Variants in TSPEAR observed in about 807,000 individuals in gnomAD.
The protein encoded by TSPEAR is thrombospondin type laminin G domain and EAR repeats.
A neutral mutation model predicts 71.6 loss-of-function variants in TSPEAR; 69 were observed. That is an observed-to-expected ratio of 0.96 (90% CI 0.79 to 1.18). The LOEUF (loss-of-function observed/expected upper bound fraction) is 1.18, where lower values mean the gene tolerates loss of function less well. TSPEAR is among the 50% of genes most tolerant of loss of function. The pLI is 0.00. For synonymous variants in TSPEAR, 402 were observed against 387.2 expected (o/e 1.04, Z -0.45); for missense variants, 971 against 894.9 (o/e 1.09, Z -1.09).
In TSPEAR at chr21:44,612,123, G is replaced by A; in HGVS notation, c.83-44118C>T. 6.2e-7 allele frequency: 1 copy of A among 1,614,048 alleles called. No homozygotes were observed. The highest frequency in any genetic ancestry group is 8.5e-7 in the Non-Finnish European group (1 of 1,179,974). On this transcript the variant is annotated intron_variant, in intron 1 of 11. Coordinates refer to ENST00000323084, the MANE Select transcript of TSPEAR (RefSeq NM_144991.3). This position sits in a 1 kb window ranked among gnomAD's most constrained non-coding sequence, Gnocchi z 4.1. Reference sequence around the variant, plus strand: ...ACCATGGCTGACGCCTGCTGCACCAGGACGTATGTGATTGCTGCATCCACC... The same window carrying A: ...ACCATGGCTGACGCCTGCTGCACCAAGACGTATGTGATTGCTGCATCCACC...
chr21:44,536,123 G>A (rs909507437), intron 2 of TSPEAR, among the ~76,000 whole-genome samples: 7 of 152,162 alleles, frequency 4.6e-5, no homozygotes, highest in South Asian at 2.1e-4. Flanking sequence ...TCCTGCAGCC[G>A]CTTGTGTTCC....
rs1288428689 is a variant in TSPEAR at position 44,687,093 on chromosome 21, C to T, written c.82+24340G>A. Among the ~76,000 whole-genome samples the T allele has an allele frequency of 6.6e-6, 1 of 152,128 alleles. No homozygotes were observed. Among genetic ancestry groups the T allele is most frequent in the South Asian group, 2.1e-4 (1 of 4,826 alleles). ...GGAGCCTGGAAACCAAGCCACAGGA[C>T]GAAGGGCTGCGGGAAGAAGGAGGCT... On this transcript the variant is annotated intron_variant, in intron 1 of 11. Coordinates refer to ENST00000323084, the MANE Select transcript of TSPEAR (RefSeq NM_144991.3). This position sits in a 1 kb window ranked among gnomAD's most constrained non-coding sequence, Gnocchi z 4.4.
At chr21:44,685,970 AATC>A (rs1194463466) in intron 1 of TSPEAR, among the ~76,000 whole-genome samples, 6 of 152,232 alleles carry the variant, frequency 3.9e-5, no homozygotes, top group Non-Finnish European at 7.3e-5. Context: ...TTACCTCAAT[AATC>A]ATCATTATTA....
At chr21:44,539,914 G>A (rs782474175) in intron 2 of TSPEAR, 3 of 1,614,044 alleles carry the variant, frequency 1.9e-6, no homozygotes, top group Admixed American at 3.3e-5. Flanking sequence ...ACTGCTGGCA[G>A]CACGAGGGCG....
intron 1 of TSPEAR, among the ~76,000 whole-genome samples, chr21:44,655,637 A>G (rs1985101135): frequency 6.6e-6 from 1 of 152,214 alleles, no homozygotes; most frequent in Admixed American, 6.5e-5. Flanking sequence ...CTTGGGGGAA[A>G]GTGAGGAGCT....
intron 1 of TSPEAR, among the ~76,000 whole-genome samples, chr21:44,609,133 G>A (rs587744200): frequency 5.9e-5 from 9 of 152,288 alleles, no homozygotes; most frequent in African/African-American, 2.2e-4. Flanking sequence ...CATAGAACAC[G>A]CAAAGCTAAC....
chr21:44,706,636 C>G (rs1555952441), intron 1 of TSPEAR, among the ~76,000 whole-genome samples: 1 of 152,232 alleles, frequency 6.6e-6, no homozygotes, highest in African/African-American at 2.4e-5. Flanking sequence ...GCGGCCGAGG[C>G]AGAGGTGTCG....
chr21:44,683,449 T>G (rs577238602), intron 1 of TSPEAR, among the ~76,000 whole-genome samples: 18 of 152,200 alleles, frequency 1.2e-4, no homozygotes, highest in Non-Finnish European at 2.6e-4. Context: ...GAAGATTGCT[T>G]GAGGCTAGGA....
At chr21:44,690,189 A>G (rs1379471185) in intron 1 of TSPEAR, among the ~76,000 whole-genome samples, 1 of 152,232 alleles carries the variant, frequency 6.6e-6, no homozygotes, top group Non-Finnish European at 1.5e-5. Flanking sequence ...AGAAATGAGG[A>G]AAAAATACCA....
chr21:44,654,165 G>A, intron 1 of TSPEAR: 1 of 846,504 alleles, frequency 1.2e-6, no homozygotes, highest in South Asian at 1.6e-5. Flanking sequence ...AGGCGGTCTA[G>A]TCAGGTGACG....
In TSPEAR at chr21:44,687,495, G is replaced by T. The variant is rs561362994; in HGVS notation, c.82+23938C>A. 6.6e-6 allele frequency among the ~76,000 whole-genome samples: 1 copy of T among 152,202 alleles called. No individual in the cohort carries two copies. ...ACGCACACGGCAACAGGAACGCATCGCAGAAACACCGCGCGGGGTGGGAGA... is the reference window on the plus strand; with the variant it reads ...ACGCACACGGCAACAGGAACGCATCTCAGAAACACCGCGCGGGGTGGGAGA... On this transcript the variant is annotated intron_variant, in intron 1 of 11. Transcript: ENST00000323084. The surrounding 1 kb of genome is among the most constrained non-coding windows in gnomAD (Gnocchi z 4.4).
At chr21:44,524,817 CAGGTAGTTAGTCAATCAGTCAGTG>C (rs1291003258) in intron 8 of TSPEAR, among the ~76,000 whole-genome samples, 1 of 151,140 alleles carries the variant, frequency 6.6e-6, no homozygotes, top group Non-Finnish European at 1.5e-5. Flanking sequence ...GATAGACAGT[CAGGTAGTTAGTCAATCAGTCAGTG>C]AGGTAGTCAG....
intron 11 of TSPEAR, among the ~76,000 whole-genome samples, chr21:44,504,510 G>T (rs111726601): frequency 2.9e-4 from 38 of 133,328 alleles, no homozygotes; most frequent in African/African-American, 3.8e-4. Flanking sequence ...GGGAAGCAAG[G>T]CTCTGGGAGG....
intron 2 of TSPEAR, 54 bp downstream of exon 2, chr21:44,567,731 C>T: frequency 6.8e-7 from 1 of 1,475,642 alleles, no homozygotes; most frequent in Admixed American, 2.1e-5. Flanking sequence ...TACTGGGAAC[C>T]TCACAAGGGA....
intron 1 of TSPEAR, among the ~76,000 whole-genome samples, chr21:44,691,151 A>G (rs568545647): frequency 6.6e-6 from 1 of 151,034 alleles, no homozygotes; most frequent in East Asian, 1.9e-4. Context: ...TTACCTAGGT[A>G]ACATCTGAAA....
intron 7 of TSPEAR, 145 bp downstream of exon 7, chr21:44,527,146 GC>G: frequency 1.3e-6 from 1 of 750,114 alleles, no homozygotes; most frequent in Non-Finnish European, 2.2e-6. Flanking sequence ...GCTCACGTGT[GC>G]GACTCTGTCA....
chr21:44,552,803 G>A (rs587706222), intron 2 of TSPEAR, among the ~76,000 whole-genome samples: 1 of 152,128 alleles, frequency 6.6e-6, no homozygotes, highest in Non-Finnish European at 1.5e-5. Flanking sequence ...TGAACCTGGG[G>A]CCTCCAGCAC....
At chr21:44,558,068 G>A in intron 2 of TSPEAR, 1 of 1,609,198 alleles carries the variant, frequency 6.2e-7, no homozygotes, top group Non-Finnish European at 8.5e-7. Flanking sequence ...TGGACTTCTG[G>A]CCTGAGGAGA....
intron 1 of TSPEAR, among the ~76,000 whole-genome samples, chr21:44,626,130 T>C (rs1189345055): frequency 6.6e-6 from 1 of 152,272 alleles, no homozygotes; most frequent in African/African-American, 2.4e-5. Context: ...TAATACGTCT[T>C]ACTTTATAAT....
Sources: allele counts gnomAD v4.1 joint callset (sites outside exome capture counted in the v4.1 genomes callset), GRCh38; gene constraint gnomAD v4.1.1; non-coding constraint Gnocchi (gnomAD v3.1); transcripts MANE v1.5; gene names NCBI Gene and HGNC (gene_info 2026-07-23, HGNC 2026-07-21).